KCNK10: variants seen among roughly 807,000 people sequenced by gnomAD.
KCNK10 encodes the protein potassium two pore domain channel subfamily K member 10, also known as potassium channel subfamily K member 10.
In KCNK10, 25 loss-of-function variants were observed where a neutral mutation model predicts 47.7. The observed-to-expected ratio is 0.52, with a 90% CI of 0.38 to 0.73. The LOEUF is 0.73. KCNK10 is among the 30% of genes least tolerant of loss of function. The pLI is 0.00. For missense variants in KCNK10, 563 were observed against 714.5 expected, an observed-to-expected ratio of 0.79 and a Z score of 2.42; for synonymous variants, 303 against 285.6, an observed-to-expected ratio of 1.06 and a Z score of -0.61.
chr14:88,270,292 G>A (rs1566709948), intron 1 of KCNK10, among the ~76,000 whole-genome samples: 1 of 152,106 alleles, frequency 6.6e-6, no homozygotes, highest in Admixed American at 6.5e-5. Context: ...ATTCCACCTC[G>A]GGTGCTCCAC....
chr14:88,269,177 A>T (rs1887345327), intron 1 of KCNK10, among the ~76,000 whole-genome samples: 1 of 152,212 alleles, frequency 6.6e-6, no homozygotes, highest in African/African-American at 2.4e-5. Flanking sequence ...TTTCACCTAA[A>T]TGTGGGTGAT....
At position 88,263,395 on chromosome 14, in the gene KCNK10, G is replaced by A. The variant is rs760767531; in HGVS notation, c.209C>T (p.Thr70Ile). Reference sequence around the variant, plus strand: ...AACCACCGTCTTCCACTTCATGACGGTCTGCAAGCCCCCTTGGGAGGTGCC... The same window carrying A: ...AACCACCGTCTTCCACTTCATGACGATCTGCAAGCCCCCTTGGGAGGTGCC... ...MEGTSQGGLQTVMKWKTVVAI... is the reference protein window; with the variant it reads ...MEGTSQGGLQIVMKWKTVVAI... Residue 70 changes from threonine (T) to isoleucine (I), a missense_variant, in exon 2 of 7, where the codon ACC becomes ATC. Coordinates refer to ENST00000319231, the MANE Select transcript of KCNK10 (RefSeq NM_138317.3). 2 of 1,614,106 alleles carry A rather than the reference G, an allele frequency of 1.2e-6. No individual in the cohort carries two copies. The highest frequency in any genetic ancestry group is 2.2e-5 in the East Asian group (1 of 44,886).
At chr14:88,240,601 G>A (rs1886426204) in intron 3 of KCNK10, 102 bp downstream of exon 3, 2 of 736,940 alleles carry the variant, frequency 2.7e-6, no homozygotes, top group Non-Finnish European at 4.8e-6. Context: ...AGCCTCCTCT[G>A]AACCTCAAAC....
At chr14:88,225,401 AAGATGAAATGTG>A (rs60247572) in intron 4 of KCNK10, among the ~76,000 whole-genome samples, 43,977 of 151,816 alleles carry the variant, frequency 0.29, 6,946 homozygotes, top group East Asian at 0.46. Context: ...AATCAGCATA[AAGATGAAATGTG>A]AGGTTTCTAA....
chr14:88,216,804 G>A (rs949951570), intron 4 of KCNK10, among the ~76,000 whole-genome samples: 2 of 152,064 alleles, frequency 1.3e-5, no homozygotes, highest in African/African-American at 4.8e-5. Flanking sequence ...CCTTCTTGCC[G>A]CCTAGGAAAA....
intron 4 of KCNK10, among the ~76,000 whole-genome samples, chr14:88,217,767 G>C (rs538596446): frequency 6.6e-6 from 1 of 151,528 alleles, no homozygotes; most frequent in Non-Finnish European, 1.5e-5. Context: ...CTGTCACCCA[G>C]GCTGGAGTGC....
intron 4 of KCNK10, among the ~76,000 whole-genome samples, chr14:88,217,596 C>T (rs1885663368): frequency 6.6e-6 from 1 of 151,900 alleles, no homozygotes; most frequent in Non-Finnish European, 1.5e-5. Context: ...ATTCTGTTGC[C>T]CAAACTAGAG....
At chr14:88,311,595 T>C (rs1391759321) in intron 1 of KCNK10, among the ~76,000 whole-genome samples, 9 of 152,198 alleles carry the variant, frequency 5.9e-5, no homozygotes, top group Admixed American at 5.9e-4. Flanking sequence ...TTGAGTGCCA[T>C]GAGCCACCGT....
chr14:88,198,890 G>A (rs376863650), intron 4 of KCNK10, among the ~76,000 whole-genome samples: 1 of 54,646 alleles, frequency 1.8e-5, no homozygotes, highest in South Asian at 6.1e-4. Flanking sequence ...CATCTCCTTT[G>A]TCTTATTTTA....
At chr14:88,261,708 C>A (rs1887116523) in intron 2 of KCNK10, among the ~76,000 whole-genome samples, 1 of 151,614 alleles carries the variant, frequency 6.6e-6, no homozygotes, top group Non-Finnish European at 1.5e-5. Context: ...TGCAATGAGC[C>A]ATGATCACAC....
intron 2 of KCNK10, among the ~76,000 whole-genome samples, chr14:88,258,052 C>T (rs1384663945): frequency 1.3e-5 from 2 of 152,062 alleles, no homozygotes; most frequent in Admixed American, 6.5e-5. Context: ...ATCCCCTCCC[C>T]GGTGACCCCA....
intron 2 of KCNK10, among the ~76,000 whole-genome samples, chr14:88,242,682 A>G (rs1038796814): frequency 1.3e-5 from 2 of 152,202 alleles, no homozygotes; most frequent in Non-Finnish European, 1.5e-5. Context: ...CATAATCATC[A>G]GAGGTATGTT....
chr14:88,206,196 C>T (rs1464698857), intron 4 of KCNK10, among the ~76,000 whole-genome samples: 1 of 152,126 alleles, frequency 6.6e-6, no homozygotes, highest in African/African-American at 2.4e-5. Context: ...CCCCTGGAAG[C>T]TCTGTTTATA....
At chr14:88,200,253 TAAG>T (rs962622388) in intron 4 of KCNK10, among the ~76,000 whole-genome samples, 1 of 152,000 alleles carries the variant, frequency 6.6e-6, no homozygotes, top group African/African-American at 2.4e-5. Context: ...AAATAAGCAT[TAAG>T]AAATCTTACA....
chr14:88,275,293 A>G (rs1015795774), intron 1 of KCNK10, among the ~76,000 whole-genome samples: 5 of 152,038 alleles, frequency 3.3e-5, no homozygotes, highest in Non-Finnish European at 7.4e-5. Flanking sequence ...TCAGTGGTAG[A>G]CCTGGCTGCT....
rs749462204 is a variant in KCNK10 at position 88,192,419 on chromosome 14, A to G, written c.682-9T>C. ...TGACTCACTTGCTTTTTCTAGGAAG[A>G]GCAAAGGAGAAAGATAGGCAAGTCA... On this transcript the variant is annotated splice_polypyrimidine_tract_variant and intron_variant, in intron 4 of 6. Transcript: ENST00000319231. The G allele has an allele frequency of 9.3e-6, 15 of 1,612,398 alleles. No individual in the cohort carries two copies. In the Admixed American group the frequency reaches 2.5e-4, roughly 27 times the overall value.
At chr14:88,320,129 A>G (rs1888514825) in intron 1 of KCNK10, among the ~76,000 whole-genome samples, 1 of 152,240 alleles carries the variant, frequency 6.6e-6, no homozygotes, top group South Asian at 2.1e-4. Flanking sequence ...TAGTGGTGTC[A>G]TGATGGCAAT....
intron 4 of KCNK10, among the ~76,000 whole-genome samples, chr14:88,207,443 G>A (rs1885318046): frequency 6.6e-6 from 1 of 152,052 alleles, no homozygotes; most frequent in Admixed American, 6.5e-5. Flanking sequence ...CAAAGTGCTG[G>A]GATTACAGGC....
In KCNK10 at chr14:88,219,586, C is replaced by A. The variant is rs1213396513; in HGVS notation, c.681+7789G>T. ...TGAAGACATCTTCTCTATGAGTGAT[C>A]TCAGTGGCTAGCAGTTAATTGACAT... On this transcript the variant is annotated intron_variant, in intron 4 of 6. Transcript: ENST00000319231. Among the ~76,000 whole-genome samples the A allele has an allele frequency of 3.9e-5, 6 of 152,222 alleles. No homozygotes were observed. The South Asian group carries it at 1.2e-3, about 32-fold the overall frequency.
Sources: gnomAD v4.1 joint callset for allele counts (sites outside exome capture counted in the v4.1 genomes callset) on GRCh38, gnomAD v4.1.1 for gene constraint, MANE v1.5 for transcripts, NCBI Gene and HGNC (gene_info 2026-07-23, HGNC 2026-07-21) for gene names.